Variants in ACTA2 observed in about 807,000 individuals in gnomAD.
ACTA2 encodes actin alpha 2, smooth muscle.
In ACTA2, 12 loss-of-function variants were observed where a neutral mutation model predicts 39.5. The observed-to-expected ratio is 0.30, with a 90% confidence interval of 0.19 to 0.49. ACTA2 has a LOEUF of 0.49. ACTA2 is among the 20% of genes least tolerant of loss of function. ACTA2 has a pLI of 0.99. For missense variants in ACTA2, 236 were observed against 498.8 expected (o/e 0.47, Z 5.02); for synonymous variants, 158 against 180.6 (o/e 0.88, Z 1.00).
intron 1 of ACTA2, among the ~76,000 whole-genome samples, chr10:88,949,454 T>C (rs1564648210): frequency 1.3e-5 from 2 of 152,168 alleles, no homozygotes; most frequent in African/African-American, 2.4e-5. Flanking sequence ...CATGTAAAAA[T>C]TTAGAAATGT....
intron 1 of ACTA2, among the ~76,000 whole-genome samples, chr10:88,960,893 C>G (rs971294148): frequency 6.6e-6 from 1 of 152,176 alleles, no homozygotes; most frequent in African/African-American, 2.4e-5. Flanking sequence ...TCTCTGTTCT[C>G]TGGATCCCTG....
chr10:88,970,617 C>G (rs10437509), intron 1 of ACTA2, among the ~76,000 whole-genome samples: 9,020 of 152,130 alleles, frequency 0.059, 872 homozygotes, highest in African/African-American at 0.21. Context: ...ATTAGAATTC[C>G]CCATTTATCC....
At chr10:88,973,189 A>T in intron 1 of ACTA2, 2 of 1,612,064 alleles carry the variant, frequency 1.2e-6, no homozygotes, top group East Asian at 4.5e-5. Flanking sequence ...TAGATTCAGA[A>T]ATTCCTTTCT....
intron 4 of ACTA2, 145 bp downstream of exon 4, chr10:88,943,652 C>T (rs1274659812): frequency 4.1e-6 from 3 of 736,120 alleles, no homozygotes; most frequent in Non-Finnish European, 4.9e-6. Flanking sequence ...TGTTCCTGTC[C>T]TTTGGGATCC....
In ACTA2 at chr10:88,990,379, C is replaced by CTA. The variant is rs1035787423; in HGVS notation, c.-24+558_-24+559dup. 6.6e-6 allele frequency among the ~76,000 whole-genome samples: 1 copy of CTA among 152,220 alleles called. No individual in the cohort carries two copies. The highest frequency in any genetic ancestry group is 1.5e-5 in the Non-Finnish European group (1 of 68,034). On this transcript the variant is annotated intron_variant, in intron 1 of 4. Transcript: ENST00000415557. The surrounding 1 kb of genome is among the most constrained non-coding windows in gnomAD (Gnocchi z 4.9). ...GACCTCCCCAACTTCCCAGGTTGAA[C>CTA]TACAGCAGAAGCCTTTAGAAAGGGC...
In ACTA2 at chr10:88,935,374, TCAAGA is replaced by T. The variant is rs774969469; in HGVS notation, c.991-13_991-9del. ...CTCCGGAGGGGCAATGATCTGTCAG[TCAAGA>T]TGAAAAAGAATGGTCATTAATGTCA... On this transcript the variant is annotated splice_polypyrimidine_tract_variant and intron_variant, in intron 8 of 8. Transcript: ENST00000224784. The T allele has an allele frequency of 6.2e-7, 1 of 1,613,442 alleles. No homozygotes were observed. Among genetic ancestry groups the T allele is most frequent in the African/African-American group, 1.3e-5 (1 of 74,878 alleles).
intron 1 of ACTA2, among the ~76,000 whole-genome samples, chr10:88,961,349 T>C (rs1229809870): frequency 6.6e-6 from 1 of 152,198 alleles, no homozygotes; most frequent in Admixed American, 6.5e-5. Flanking sequence ...TAGAAAAGGT[T>C]TGTGTACTAT....
intron 1 of ACTA2, among the ~76,000 whole-genome samples, chr10:88,951,436 C>T (rs1372481254): frequency 6.6e-6 from 1 of 151,524 alleles, no homozygotes. Flanking sequence ...GTTGACTATA[C>T]TCAGAAAAAG....
chr10:88,971,456 G>A (rs1295110825), intron 1 of ACTA2, among the ~76,000 whole-genome samples: 1 of 152,220 alleles, frequency 6.6e-6, no homozygotes, highest in African/African-American at 2.4e-5. Flanking sequence ...GTTAGGATCT[G>A]AGTGTTTGGG....
chr10:88,948,968 G>A lies in ACTA2; in HGVS notation c.-23-15C>T, dbSNP rs200315260. The A allele has an allele frequency of 6.2e-7, 1 of 1,612,786 alleles. No homozygotes were observed. The highest frequency in any genetic ancestry group is 1.3e-5 in the African/African-American group (1 of 75,006). ...TTCACAGGATTCTATAGAAAACAGGGAGGAAGCAGCCTCAGCTGTAATTGG... is the reference window on the plus strand; with the variant it reads ...TTCACAGGATTCTATAGAAAACAGGAAGGAAGCAGCCTCAGCTGTAATTGG... On this transcript the variant is annotated splice_polypyrimidine_tract_variant and intron_variant, in intron 1 of 8. Transcript: ENST00000224784.
At chr10:88,984,172 A>G (rs1846803088) in intron 1 of ACTA2, among the ~76,000 whole-genome samples, 1 of 152,238 alleles carries the variant, frequency 6.6e-6, no homozygotes, top group Admixed American at 6.5e-5. Context: ...ATAGGAAGTT[A>G]TAACATCGGG....
intron 1 of ACTA2, among the ~76,000 whole-genome samples, chr10:88,964,207 T>A (rs1489143312): frequency 6.6e-6 from 1 of 152,166 alleles, no homozygotes; most frequent in Non-Finnish European, 1.5e-5. Context: ...TCTTCCGAAT[T>A]CTTATCTGGA....
intron 1 of ACTA2, among the ~76,000 whole-genome samples, chr10:88,958,234 C>G (rs1846169566): frequency 6.6e-6 from 1 of 152,174 alleles, no homozygotes; most frequent in African/African-American, 2.4e-5. Context: ...CTGGAACATT[C>G]AGTAAATGTT....
intron 1 of ACTA2, among the ~76,000 whole-genome samples, chr10:88,979,517 A>C (rs1846656983): frequency 6.6e-6 from 1 of 152,242 alleles, no homozygotes; most frequent in African/African-American, 2.4e-5. Flanking sequence ...TGTAGGCAGC[A>C]ATAACCCTAA....
chr10:88,941,726 T>C lies in ACTA2; in HGVS notation c.454+59A>G, dbSNP rs1845857077. 27 of 1,484,360 alleles carry C rather than the reference T, an allele frequency of 1.8e-5. No individual in the cohort carries two copies. The South Asian group carries it at 3.2e-4, about 17-fold the overall frequency. 91.9% of individuals were successfully genotyped at this position (1,484,360 alleles called of 1,614,324 possible). A position where few individuals can be genotyped will look rare whatever the true frequency, so the allele number is the denominator to read the frequency against. On this transcript the variant is annotated intron_variant, in intron 5 of 8. Transcript: ENST00000224784. The stretch of plus-strand genomic sequence containing the variant: ...CGTCACCCCCACGTGTTAACGACCA[T>C]TCAATCCCATCTCTGGCAGTGCGCT...
chr10:88,948,844 G>T lies in ACTA2; in HGVS notation c.87C>A (p.Pro29=). Residue 29 remains proline (P), a synonymous_variant, in exon 2 of 9, where the codon CCC becomes CCA. Transcript: ENST00000224784. ...CKAGFAGDDA[P]RAVFPSIVGR... ...CCACAATGGATGGGAAAACAGCCCT[G>T]GGAGCATCGTCCCCAGCAAAGCCGG... 6.2e-7 allele frequency: 1 copy of T among 1,613,934 alleles called. No homozygotes were observed. Among genetic ancestry groups the T allele is most frequent in the South Asian group, 1.1e-5 (1 of 91,078 alleles).
chr10:88,948,706 C>A (rs1845997200), intron 2 of ACTA2, 96 bp downstream of exon 2: 1 of 1,564,234 alleles, frequency 6.4e-7, no homozygotes, highest in Non-Finnish European at 8.8e-7. Context: ...GGTTACATAA[C>A]TTCTGGGCAG....
chr10:88,941,967 CCTGTT>C (rs1475694801), intron 4 of ACTA2, 98 bp from the exon 5 acceptor site: 1 of 1,163,052 alleles, frequency 8.6e-7, no homozygotes, highest in African/African-American at 1.5e-5. Context: ...AGGGGCCTGA[CCTGTT>C]CTGGGCAGAG....
chr10:88,972,014 T>C (rs1398993660), intron 1 of ACTA2, among the ~76,000 whole-genome samples: 5 of 152,040 alleles, frequency 3.3e-5, no homozygotes, highest in Non-Finnish European at 7.4e-5. Flanking sequence ...GTTCATGCTA[T>C]TCTCCTGCTT....
Sources: gnomAD v4.1 joint callset for allele counts (sites outside exome capture counted in the v4.1 genomes callset) on GRCh38, gnomAD v4.1.1 for gene constraint, Gnocchi (gnomAD v3.1) non-coding constraint, MANE v1.5 for transcripts, NCBI Gene and HGNC (gene_info 2026-07-23, HGNC 2026-07-21) for gene names.